The following ANK3 variants were observed in gnomAD, a reference collection of about 807,000 sequenced individuals.
ANK3 encodes the protein ankyrin-3.
In ANK3, 57 loss-of-function variants were observed where a neutral mutation model predicts 370.9. The ratio of observed to expected loss-of-function variants is 0.15; its 90% CI spans 0.12 to 0.19. ANK3 has a LOEUF of 0.19. Among genes scored for constraint, ANK3 ranks in the 10% least tolerant of loss-of-function variants. The pLI is 1.00. For missense variants in ANK3, 4,439 were observed against 5,302.1 expected, an observed-to-expected ratio of 0.84 and a Z score of 5.06; for synonymous variants, 1,929 against 1,946.3, an observed-to-expected ratio of 0.99 and a Z score of 0.23.
chr10:60,075,324 G>A lies in ANK3; in HGVS notation c.5557C>T (p.Leu1853=), dbSNP rs2083537649. ...GTAGTCAATGTTTTAATGGGTGACA[G>A]CAAGGCTGCTGCTGATTTTGTAAAT... The part of the protein sequence containing the change: ...NSFTKSAAAL[L]SPIKTLTTET... The change falls in exon 37 of 44, where the codon CTG becomes TTG. Residue 1853 remains leucine (L), a synonymous_variant. Coordinates refer to ENST00000280772, the MANE Select transcript of ANK3 (RefSeq NM_020987.5). 1 of 1,614,044 alleles carries A rather than the reference G, an allele frequency of 6.2e-7. No homozygotes were observed. Among genetic ancestry groups the A allele is most frequent in the African/African-American group, 1.3e-5 (1 of 74,928 alleles).
chr10:60,438,640 T>C (rs531418165), intron 2 of ANK3, among the ~76,000 whole-genome samples: 12 of 152,304 alleles, frequency 7.9e-5, no homozygotes, highest in African/African-American at 2.4e-4. Context: ...AAAGTTTCTA[T>C]TAAGTGAGGA....
chr10:60,175,748 C>G (rs548531500), intron 18 of ANK3, among the ~76,000 whole-genome samples: 1 of 152,212 alleles, frequency 6.6e-6, no homozygotes, highest in African/African-American at 2.4e-5. Flanking sequence ...CAGCCAGGAG[C>G]CCGGGCCTCA....
At chr10:60,082,438 A>G (rs1028078115) in intron 34 of ANK3, 177 bp downstream of exon 34, 1 of 885,788 alleles carries the variant, frequency 1.1e-6, no homozygotes, top group African/African-American at 1.7e-5. Flanking sequence ...ACTCCATCAT[A>G]CAAACTATAA....
chr10:60,245,183 A>G (rs998425808), intron 7 of ANK3, among the ~76,000 whole-genome samples: 4 of 151,132 alleles, frequency 2.6e-5, no homozygotes, highest in Non-Finnish European at 5.9e-5. Context: ...ACAAAAAACA[A>G]AAAAAAAACC....
intron 2 of ANK3, 107 bp downstream of exon 2, chr10:60,279,431 T>A (rs1380162243): frequency 1.1e-6 from 1 of 889,148 alleles, no homozygotes; most frequent in East Asian, 2.5e-5. Context: ...GACAAGCTGA[T>A]AAAATTCAAT....
At chr10:60,613,171 T>C (rs2078223842) in intron 2 of ANK3, among the ~76,000 whole-genome samples, 1 of 152,226 alleles carries the variant, frequency 6.6e-6, no homozygotes, top group African/African-American at 2.4e-5. Context: ...AAAATTGTAT[T>C]AATTATTAAC....
At chr10:60,334,154 A>C (rs1298861434) in intron 1 of ANK3, among the ~76,000 whole-genome samples, 1 of 152,190 alleles carries the variant, frequency 6.6e-6, no homozygotes, top group Non-Finnish European at 1.5e-5. Context: ...TGCAGTCTTG[A>C]ATATGTTGGT....
chr10:60,173,162 C>T lies in ANK3; in HGVS notation c.2209G>A (p.Gly737Ser). 1 of 1,613,690 alleles carries T rather than the reference C, an allele frequency of 6.2e-7. No individual in the cohort carries two copies. Among genetic ancestry groups the T allele is most frequent in the Non-Finnish European group, 8.5e-7 (1 of 1,179,806 alleles). ...ATCTTGATATTTCCATAGTGGCAGC[C>T]CACATGCAGTGGTGTGTATCCCATC... ...TKMGYTPLHVGCHYGNIKIVN... is the reference protein window; with the variant it reads ...TKMGYTPLHVSCHYGNIKIVN... Residue 737 changes from glycine (G) to serine (S), a missense_variant, in exon 19 of 44, where the codon GGC becomes AGC. Gly to Ser is a moderately conservative substitution (Grantham distance 56, BLOSUM62 0). Coordinates refer to ENST00000280772, the MANE Select transcript of ANK3 (RefSeq NM_020987.5).
At chr10:60,720,146 T>G (rs1402465303) in intron 1 of ANK3, among the ~76,000 whole-genome samples, 1 of 152,228 alleles carries the variant, frequency 6.6e-6, no homozygotes, top group Non-Finnish European at 1.5e-5. Context: ...ACAAGGATAA[T>G]ACACAGTAGA....
chr10:60,606,560 A>C (rs2133311719), intron 2 of ANK3, among the ~76,000 whole-genome samples: 1 of 152,340 alleles, frequency 6.6e-6, no homozygotes, highest in African/African-American at 2.4e-5. Context: ...GAGCTGATTA[A>C]GGTAAAACCT....
chr10:60,480,032 T>G (rs1469199258), intron 2 of ANK3, among the ~76,000 whole-genome samples: 1 of 152,138 alleles, frequency 6.6e-6, no homozygotes, highest in Non-Finnish European at 1.5e-5. Flanking sequence ...ACTGCCTTGG[T>G]GAAACAAAAC....
rs145101181 is a variant in ANK3, at chr10:60,482,226, G to T, written c.96+132960C>A. Among the ~76,000 whole-genome samples the T allele has an allele frequency of 1.8e-3, 267 of 152,172 alleles. 2 individuals carry two copies. The highest frequency in any genetic ancestry group is 6.3e-3 in the African/African-American group (261 of 41,512). ...TCTACCTGCCCAACAATAATCACAG[G>T]GCATTGGACCTGAAGCATCTGCACT... On this transcript the variant is annotated intron_variant, in intron 2 of 43. Transcript: ENST00000373827.
intron 1 of ANK3, among the ~76,000 whole-genome samples, chr10:60,323,504 G>A (rs1409477047): frequency 5.9e-5 from 9 of 152,116 alleles, no homozygotes. Flanking sequence ...CCGACATGTG[G>A]GTGGTGATTT....
At chr10:60,215,135 T>A (rs1048224278) in intron 8 of ANK3, among the ~76,000 whole-genome samples, 3 of 152,230 alleles carry the variant, frequency 2.0e-5, no homozygotes, top group Non-Finnish European at 2.9e-5. Flanking sequence ...TTTTTTCATA[T>A]GCTTCTTGGC....
chr10:60,688,993 A>G lies in ANK3; in HGVS notation c.57+44270T>C, dbSNP rs114685826. On this transcript the variant is annotated intron_variant, in intron 1 of 43. Coordinates refer to the ANK3 transcript ENST00000373827. ...AAAGATAAAATCAGTATTTGAACCT[A>G]GAAAATACTTTCAGTATCCCTGTTT... 5.7e-3 allele frequency among the ~76,000 whole-genome samples: 868 copies of G among 152,240 alleles called. 8 individuals carry two copies. The highest frequency in any genetic ancestry group is 0.02 in the African/African-American group (830 of 41,560).
Position 60,136,077 on chromosome 10 carries a change from G to C in ANK3, c.2739-1704C>G, listed in dbSNP as rs116377920. On this transcript the variant is annotated intron_variant, in intron 24 of 43. Transcript: ENST00000280772. ...TCAGGCCCTCTGTGCCCAATCATGG[G>C]ACCCATTACTCTCTTTTTTCCCCAG... 7.4e-3 allele frequency among the ~76,000 whole-genome samples: 1,128 copies of C among 151,564 alleles called. 11 individuals are homozygous for C. Among genetic ancestry groups the C allele is most frequent in the African/African-American group, 0.026 (1,075 of 41,300 alleles).
intron 1 of ANK3, among the ~76,000 whole-genome samples, chr10:60,302,498 C>A (rs1343948942): frequency 6.6e-6 from 1 of 152,046 alleles, no homozygotes; most frequent in Admixed American, 6.5e-5. Context: ...TCTTTACATA[C>A]ATTATTTTAG....
chr10:60,541,598 C>T (rs1020710038), intron 2 of ANK3, among the ~76,000 whole-genome samples: 2 of 151,856 alleles, frequency 1.3e-5, no homozygotes, highest in African/African-American at 2.4e-5. Flanking sequence ...CCCCATACCA[C>T]CACAGCACCC....
Position 60,070,407 on chromosome 10 carries a change from C to T in ANK3, c.10474G>A (p.Asp3492Asn). ...GCCCCTGACTTCTGATCAGTCTTAT[C>T]AGGAGTCTTTTCAGATGAAGAACTT... Reference protein sequence around the residue: ...SKSSSSEKTPDKTDQKSGAQF... With the variant: ...SKSSSSEKTPNKTDQKSGAQF... The change falls in exon 37 of 44, where the codon GAT becomes AAT. Residue 3492 changes from aspartate (D) to asparagine (N), a missense_variant. Coordinates refer to ENST00000280772, the MANE Select transcript of ANK3 (RefSeq NM_020987.5). The surrounding 1 kb of genome is among the most constrained non-coding windows in gnomAD (Gnocchi z 5.7). 1 of 1,614,148 alleles carries T rather than the reference C, an allele frequency of 6.2e-7. No homozygotes were observed. The highest frequency in any genetic ancestry group is 8.5e-7 in the Non-Finnish European group (1 of 1,180,022).
Sources: gnomAD v4.1 joint callset for allele counts (sites outside exome capture counted in the v4.1 genomes callset) on GRCh38, gnomAD v4.1.1 for gene constraint, Gnocchi (gnomAD v3.1) non-coding constraint, MANE v1.5 for transcripts, NCBI Gene and HGNC (gene_info 2026-07-23, HGNC 2026-07-21) for gene names.